The following ZNF804B variants were observed in gnomAD, a reference collection of about 807,000 sequenced individuals.
ZNF804B encodes the protein zinc finger protein 804B.
ZNF804B carries 80 observed loss-of-function variants against 101.4 expected under a neutral mutation model. The ratio of observed to expected loss-of-function variants is 0.79; its 90% CI spans 0.66 to 0.95. The LOEUF (loss-of-function observed/expected upper bound fraction) is 0.95. ZNF804B is among the 40% of genes least tolerant of loss of function. The pLI, the probability that ZNF804B is intolerant of heterozygous loss-of-function variation, is 0.00. For synonymous variants in ZNF804B, 622 were observed against 558.8 expected (o/e 1.11, Z -1.59); for missense variants, 1,673 against 1,561.9 (o/e 1.07, Z -1.20).
intron 1 of ZNF804B, among the ~76,000 whole-genome samples, chr7:89,201,345 C>T (rs757153): frequency 0.12 from 18,540 of 151,940 alleles, 1,216 homozygotes; most frequent in Middle Eastern, 0.25. Context: ...TTTTTAAAAT[C>T]ACTTACTTGT....
intron 1 of ZNF804B, among the ~76,000 whole-genome samples, chr7:88,784,569 T>G (rs989575218): frequency 2.0e-5 from 3 of 152,064 alleles, no homozygotes; most frequent in African/African-American, 7.2e-5. Context: ...ACCAAAAACT[T>G]TAGAATCCTA....
intron 1 of ZNF804B, among the ~76,000 whole-genome samples, chr7:88,918,443 C>T (rs999790599): frequency 3.9e-5 from 6 of 152,062 alleles, no homozygotes; most frequent in Admixed American, 2.0e-4. Flanking sequence ...TTATGATTTT[C>T]GCATGAGTTA....
Position 88,983,673 on chromosome 7 carries a change from CTT to C in ZNF804B, c.108+223590_108+223591del, listed in dbSNP as rs533718358. 1.5e-3 allele frequency among the ~76,000 whole-genome samples: 228 copies of C among 152,100 alleles called. 2 individuals carry two copies. Among genetic ancestry groups the C allele is most frequent in the African/African-American group, 5.0e-3 (209 of 41,522 alleles). On this transcript the variant is annotated intron_variant, in intron 1 of 3. Coordinates refer to ENST00000333190, the MANE Select transcript of ZNF804B (RefSeq NM_181646.5). Reference sequence around the variant, plus strand: ...TGATTATATGCTGAAAGGCTAGTATCTTAATATTGTTGAGTTAAATAAAACAT... The same window carrying C: ...TGATTATATGCTGAAAGGCTAGTATCAATATTGTTGAGTTAAATAAAACAT...
At chr7:88,916,403 A>G (rs928536858) in intron 1 of ZNF804B, among the ~76,000 whole-genome samples, 2 of 152,112 alleles carry the variant, frequency 1.3e-5, no homozygotes, top group African/African-American at 4.8e-5. Context: ...ATCTGGCATA[A>G]TGGTATTGGT....
At chr7:88,822,858 AT>A (rs1562803663) in intron 1 of ZNF804B, among the ~76,000 whole-genome samples, 1 of 152,198 alleles carries the variant, frequency 6.6e-6, no homozygotes, top group East Asian at 1.9e-4. Context: ...GGTACAAAGA[AT>A]TGTGTAAGGG....
chr7:89,206,604 TAGTC>T (rs1253879789), intron 1 of ZNF804B, among the ~76,000 whole-genome samples: 3 of 151,864 alleles, frequency 2.0e-5, no homozygotes, highest in African/African-American at 7.3e-5. Flanking sequence ...ATACAAAAAT[TAGTC>T]AGGCATGGTG....
At chr7:89,000,213 A>C (rs1788263064) in intron 1 of ZNF804B, among the ~76,000 whole-genome samples, 1 of 151,960 alleles carries the variant, frequency 6.6e-6, no homozygotes, top group Non-Finnish European at 1.5e-5. Flanking sequence ...CAAACAAACA[A>C]GGTAGAGAAT....
At chr7:89,120,402 A>G (rs1014857110) in intron 1 of ZNF804B, among the ~76,000 whole-genome samples, 2 of 152,160 alleles carry the variant, frequency 1.3e-5, no homozygotes, top group Admixed American at 6.6e-5. Flanking sequence ...TCACGCGTGT[A>G]ATCCCAACAC....
chr7:89,089,793 A>C (rs1159055353), intron 1 of ZNF804B, among the ~76,000 whole-genome samples: 12 of 152,088 alleles, frequency 7.9e-5, no homozygotes, highest in Admixed American at 7.9e-4. Flanking sequence ...TTTTCTGCTA[A>C]CTTTACTTTT....
chr7:89,032,890 T>A (rs1788860435), intron 1 of ZNF804B, among the ~76,000 whole-genome samples: 1 of 152,138 alleles, frequency 6.6e-6, no homozygotes, highest in African/African-American at 2.4e-5. Context: ...TAATGTGGAA[T>A]AATTAAATGA....
chr7:89,335,957 A>T lies in ZNF804B; in HGVS notation c.2975A>T (p.Asp992Val). 6.2e-7 allele frequency: 1 copy of T among 1,614,086 alleles called. No homozygotes were observed. The highest frequency in any genetic ancestry group is 8.5e-7 in the Non-Finnish European group (1 of 1,179,992). The change falls in exon 4 of 4, where the codon GAT becomes GTT. Residue 992 changes from aspartate to valine, a missense_variant. Transcript: ENST00000333190. ...CAGTATGCAAGTGAGAGCAGAAATG[A>T]TCAAGACAGTGCAATTCCAAGGACT... ...KIQYASESRN[D>V]QDSAIPRTTE... is the part of the protein sequence containing the mutation.
At chr7:88,841,547 C>T (rs1435087078) in intron 1 of ZNF804B, among the ~76,000 whole-genome samples, 3 of 152,110 alleles carry the variant, frequency 2.0e-5, no homozygotes, top group Non-Finnish European at 4.4e-5. Flanking sequence ...TGGAACCTTC[C>T]TAGACTCTTT....
chr7:89,313,346 T>C (rs533541859), intron 2 of ZNF804B, among the ~76,000 whole-genome samples: 112 of 152,300 alleles, frequency 7.4e-4, no homozygotes, highest in African/African-American at 2.6e-3. Flanking sequence ...GATCTGTAGA[T>C]GAAATGTGCA....
At chr7:89,091,832 C>T (rs185013851) in intron 1 of ZNF804B, among the ~76,000 whole-genome samples, 2 of 152,108 alleles carry the variant, frequency 1.3e-5, no homozygotes, top group Non-Finnish European at 2.9e-5. Context: ...CTCTCCTTGT[C>T]TCCATCAACA....
intron 1 of ZNF804B, among the ~76,000 whole-genome samples, chr7:89,198,450 G>A (rs997595796): frequency 2.0e-5 from 3 of 151,734 alleles, no homozygotes; most frequent in Admixed American, 6.6e-5. Context: ...TTCTTCTAAT[G>A]AAAGCATTAT....
At chr7:88,872,574 T>A (rs916389215) in intron 1 of ZNF804B, among the ~76,000 whole-genome samples, 2 of 152,028 alleles carry the variant, frequency 1.3e-5, no homozygotes, top group Non-Finnish European at 2.9e-5. Flanking sequence ...ACCCATTAAC[T>A]CGTCATCTAG....
At chr7:88,845,271 A>C (rs992711294) in intron 1 of ZNF804B, among the ~76,000 whole-genome samples, 2 of 147,418 alleles carry the variant, frequency 1.4e-5, no homozygotes, top group East Asian at 2.1e-4. Flanking sequence ...ACATATGCGC[A>C]TGTGTGCGCA....
At chr7:89,029,026 A>G (rs1052625948) in intron 1 of ZNF804B, among the ~76,000 whole-genome samples, 5 of 152,202 alleles carry the variant, frequency 3.3e-5, no homozygotes, top group South Asian at 2.1e-4. Flanking sequence ...TGAGCTTGAC[A>G]TAGAACCAGC....
chr7:89,025,115 A>G (rs1287508322), intron 1 of ZNF804B, among the ~76,000 whole-genome samples: 2 of 152,088 alleles, frequency 1.3e-5, no homozygotes, highest in Non-Finnish European at 2.9e-5. Flanking sequence ...TGATATAATG[A>G]TTAGTCTTAA....
Sources: allele counts gnomAD v4.1 joint callset (sites outside exome capture counted in the v4.1 genomes callset), GRCh38; gene constraint gnomAD v4.1.1; transcripts MANE v1.5; gene names NCBI Gene and HGNC (gene_info 2026-07-23, HGNC 2026-07-21).